The following RAPGEF6 variants were observed in gnomAD, a reference collection of about 807,000 sequenced individuals.
The protein encoded by RAPGEF6 is PDZ domain containing guanine nucleotide exchange factor (GEF) 2.
Under a neutral mutation model 171.4 loss-of-function variants are expected in RAPGEF6, and 56 were observed. The observed-to-expected ratio is 0.33, with a 90% confidence interval of 0.26 to 0.41. RAPGEF6 has a LOEUF of 0.41. Among genes scored for constraint, RAPGEF6 ranks in the 10% least tolerant of loss-of-function variants. The pLI, the probability that RAPGEF6 is intolerant of heterozygous loss-of-function variation, is 1.00. For synonymous variants in RAPGEF6, 692 were observed against 650.1 expected (o/e 1.06, Z -0.98); for missense variants, 1,674 against 1,921.4 (o/e 0.87, Z 2.41).
At chr5:131,461,342 G>A (rs1270703523) in intron 19 of RAPGEF6, among the ~76,000 whole-genome samples, 1 of 145,620 alleles carries the variant, frequency 6.9e-6, no homozygotes, top group African/African-American at 2.5e-5. Flanking sequence ...TCAAATCATA[G>A]TGAGGCAGGT....
Position 131,603,327 on chromosome 5 carries a change from T to C in RAPGEF6, c.141A>G (p.Arg47=). The stretch of plus-strand genomic sequence containing the variant: ...CATAGCGTGCTCTTGCAGACATTAA[T>C]CTATTAAAAAAAAAAATTGAAGATT... ...ILSNLREHQL[R]LMSARARYER... Residue 47 remains arginine, a splice_region_variant and synonymous_variant, in exon 3 of 28, where the codon AGA becomes AGG. Coordinates refer to ENST00000509018, the MANE Select transcript of RAPGEF6 (RefSeq NM_016340.6). The C allele has an allele frequency of 6.5e-7, 1 of 1,540,338 alleles. No individual in the cohort carries two copies. The highest frequency in any genetic ancestry group is 8.7e-7 in the Non-Finnish European group (1 of 1,146,700).
intron 4 of RAPGEF6, among the ~76,000 whole-genome samples, chr5:131,569,517 C>T (rs1762146609): frequency 6.6e-6 from 1 of 151,996 alleles, no homozygotes; most frequent in Non-Finnish European, 1.5e-5. Flanking sequence ...ATGCAAATAT[C>T]CATATGCAAA....
intron 21 of RAPGEF6, chr5:131,450,149 C>G: frequency 8.0e-7 from 1 of 1,250,578 alleles, no homozygotes; most frequent in Non-Finnish European, 1.1e-6. Context: ...CAGAAAAGAA[C>G]AGAAACATTT....
intron 19 of RAPGEF6, among the ~76,000 whole-genome samples, chr5:131,459,368 G>T (rs749614318): frequency 3.9e-5 from 6 of 152,112 alleles, no homozygotes; most frequent in Non-Finnish European, 7.4e-5. Flanking sequence ...TTAGCTCATT[G>T]AATACTCTTA....
At chr5:131,576,146 T>A (rs1420560131) in intron 4 of RAPGEF6, among the ~76,000 whole-genome samples, 1 of 152,146 alleles carries the variant, frequency 6.6e-6, no homozygotes, top group African/African-American at 2.4e-5. Context: ...ATCTCTCTAA[T>A]CCATATGGCA....
chr5:131,589,916 T>G (rs1430762781), intron 4 of RAPGEF6, among the ~76,000 whole-genome samples: 2 of 152,184 alleles, frequency 1.3e-5, no homozygotes, highest in Non-Finnish European at 2.9e-5. Context: ...AGCAACCCAG[T>G]GAATGTCTCT....
chr5:131,601,782 A>G (rs951143637), intron 3 of RAPGEF6, among the ~76,000 whole-genome samples: 1 of 152,142 alleles, frequency 6.6e-6, no homozygotes, highest in African/African-American at 2.4e-5. Flanking sequence ...GCCTGTAATC[A>G]TAGCACCTTG....
chr5:131,622,186 TA>T (rs368148920), intron 1 of RAPGEF6, among the ~76,000 whole-genome samples: 9 of 147,256 alleles, frequency 6.1e-5, no homozygotes, highest in African/African-American at 7.4e-5. Flanking sequence ...AACTCTTTCC[TA>T]AAAAAAAAAG....
intron 4 of RAPGEF6, among the ~76,000 whole-genome samples, chr5:131,570,825 A>G (rs1383020086): frequency 6.6e-6 from 1 of 152,156 alleles, no homozygotes; most frequent in Non-Finnish European, 1.5e-5. Flanking sequence ...TGTGGAAAGT[A>G]GAGATTACAG....
At chr5:131,523,279 CTTTTT>C (rs1171953953) in intron 6 of RAPGEF6, among the ~76,000 whole-genome samples, 3 of 66,648 alleles carry the variant, frequency 4.5e-5, no homozygotes, top group Non-Finnish European at 5.5e-5. Context: ...CTGTTGTATG[CTTTTT>C]TTTTTTTTTT....
intron 6 of RAPGEF6, among the ~76,000 whole-genome samples, chr5:131,533,212 A>ACC (rs35249777): frequency 1.1e-4 from 15 of 142,306 alleles, no homozygotes; most frequent in South Asian, 6.7e-4. Flanking sequence ...ACACACACAC[A>ACC]CCCCATCCTC....
At chr5:131,613,055 A>G (rs570769072) in intron 1 of RAPGEF6, among the ~76,000 whole-genome samples, 2 of 152,312 alleles carry the variant, frequency 1.3e-5, no homozygotes, top group East Asian at 3.9e-4. Context: ...GACAATTTGG[A>G]CAAATGAACA....
At chr5:131,486,726 A>AT (rs5871425) in intron 15 of RAPGEF6, among the ~76,000 whole-genome samples, 81,364 of 127,238 alleles carry the variant, frequency 0.64, 27,058 homozygotes, top group Non-Finnish European at 0.74. Context: ...CAAGGGATAA[A>AT]TTTTTTTTTT....
chr5:131,571,504 T>C (rs548520671), intron 4 of RAPGEF6, among the ~76,000 whole-genome samples: 2 of 152,330 alleles, frequency 1.3e-5, no homozygotes, highest in Admixed American at 1.3e-4. Flanking sequence ...GGTTGCAAGA[T>C]GTAAGATCAG....
At chr5:131,545,354 T>C (rs1760451156) in intron 6 of RAPGEF6, among the ~76,000 whole-genome samples, 1 of 152,160 alleles carries the variant, frequency 6.6e-6, no homozygotes, top group Non-Finnish European at 1.5e-5. Flanking sequence ...ATCTTTAATT[T>C]TTTTTACCCT....
At position 131,429,262 on chromosome 5, in the gene RAPGEF6, G is replaced by A. The variant is rs144169664; in HGVS notation, c.4466-46C>T. The stretch of plus-strand genomic sequence containing the variant: ...TGAAAATGTTAATGAAAAAGAAATG[G>A]AAAAAAAAAGAAACCACCCCACAAA... On this transcript the variant is annotated intron_variant, in intron 26 of 27. Transcript: ENST00000509018. 2.8e-4 allele frequency: 377 copies of A among 1,342,848 alleles called. 2 individuals are homozygous for A. The African/African-American group carries it at 3.8e-3, about 13-fold the overall frequency. 83.2% of individuals were successfully genotyped at this position (1,342,848 alleles called of 1,614,324 possible). A position where few individuals can be genotyped will look rare whatever the true frequency, so the allele number is the denominator to read the frequency against.
intron 3 of RAPGEF6, among the ~76,000 whole-genome samples, chr5:131,599,275 C>T (rs1185634657): frequency 2.0e-5 from 3 of 151,948 alleles, no homozygotes; most frequent in Admixed American, 6.6e-5. Flanking sequence ...TGCAGTGAGC[C>T]GAGATTTTGC....
At chr5:131,546,465 G>A (rs779784165) in intron 6 of RAPGEF6, among the ~76,000 whole-genome samples, 3 of 152,014 alleles carry the variant, frequency 2.0e-5, no homozygotes, top group Admixed American at 1.3e-4. Context: ...TTAGCTGGGC[G>A]TGGTGGCGGG....
chr5:131,475,692 C>A (rs1054157640), intron 16 of RAPGEF6, among the ~76,000 whole-genome samples: 1 of 152,230 alleles, frequency 6.6e-6, no homozygotes, highest in Non-Finnish European at 1.5e-5. Flanking sequence ...AACCATACTT[C>A]CGTCTTAACT....
Sources: gnomAD v4.1 joint callset for allele counts (sites outside exome capture counted in the v4.1 genomes callset) on GRCh38, gnomAD v4.1.1 for gene constraint, MANE v1.5 for transcripts, NCBI Gene and HGNC (gene_info 2026-07-23, HGNC 2026-07-21) for gene names.